Variants in IL1RAPL1 observed in about 807,000 individuals in gnomAD.
IL1RAPL1 encodes the protein interleukin-1 receptor accessory protein-like 1.
In IL1RAPL1, 3 loss-of-function variants were observed where a neutral mutation model predicts 48.4. The observed-to-expected ratio is 0.06, with a 90% CI of 0.03 to 0.16. IL1RAPL1 has a LOEUF of 0.16. Ranked by LOEUF, IL1RAPL1 falls within the 10% of genes least tolerant of loss-of-function variation. IL1RAPL1 has a pLI of 1.00. For missense variants in IL1RAPL1, 349 were observed against 530.6 expected, an observed-to-expected ratio of 0.66 and a Z score of 3.36; for synonymous variants, 185 against 187.7, an observed-to-expected ratio of 0.99 and a Z score of 0.12.
intron 6 of IL1RAPL1, among the ~76,000 whole-genome samples, chrX:29,739,033 A>G (rs1190243920): frequency 3.6e-5 from 4 of 112,103 alleles, no homozygotes; most frequent in African/African-American, 1.3e-4. Flanking sequence ...ATTCTTGCAC[A>G]TTATCCCATT....
At chrX:29,070,112 AT>A (rs1261107124) in intron 2 of IL1RAPL1, among the ~76,000 whole-genome samples, 2 of 112,116 alleles carry the variant, frequency 1.8e-5, no homozygotes, top group Non-Finnish European at 3.8e-5. Context: ...TATCAAGGAA[AT>A]TTTTAAAAAT....
intron 1 of IL1RAPL1, among the ~76,000 whole-genome samples, chrX:28,782,856 G>T (rs1475255202): frequency 8.9e-6 from 1 of 111,889 alleles, no homozygotes; most frequent in African/African-American, 3.2e-5. Context: ...AAAATTCAGT[G>T]TTCTAAATAT....
chrX:29,050,118 C>T (rs1927060806), intron 2 of IL1RAPL1, among the ~76,000 whole-genome samples: 1 of 111,641 alleles, frequency 9.0e-6, no homozygotes, highest in African/African-American at 3.3e-5. Flanking sequence ...CATTGTGTTC[C>T]CCAGGCTGGA....
chrX:29,279,410 T>A (rs1932166752), intron 2 of IL1RAPL1, among the ~76,000 whole-genome samples: 1 of 109,146 alleles, frequency 9.2e-6, no homozygotes. Context: ...CACTCCAGCC[T>A]GGGCGACAGA....
At chrX:28,834,812 G>A (rs1427997277) in intron 2 of IL1RAPL1, among the ~76,000 whole-genome samples, 4 of 111,118 alleles carry the variant, frequency 3.6e-5, no homozygotes, top group Non-Finnish European at 7.6e-5. Flanking sequence ...GGCCAACTGG[G>A]GATTTGAAAT....
At chrX:29,490,807 T>G (rs1401014747) in intron 5 of IL1RAPL1, among the ~76,000 whole-genome samples, 2 of 107,937 alleles carry the variant, frequency 1.9e-5, no homozygotes. Context: ...CCCTTGAAGT[T>G]CAAGTACACA....
intron 2 of IL1RAPL1, among the ~76,000 whole-genome samples, chrX:29,280,029 C>A (rs1932176488): frequency 8.9e-6 from 1 of 111,776 alleles, no homozygotes; most frequent in South Asian, 3.7e-4. Flanking sequence ...AGCAGCGATA[C>A]CCTCCATGAC....
intron 5 of IL1RAPL1, among the ~76,000 whole-genome samples, chrX:29,458,422 G>A (rs943248599): frequency 9.7e-6 from 1 of 103,113 alleles, no homozygotes; most frequent in Non-Finnish European, 2.0e-5. Flanking sequence ...ACTGCCAAAT[G>A]GATACAAGAA....
intron 5 of IL1RAPL1, among the ~76,000 whole-genome samples, chrX:29,522,721 A>C (rs920638475): frequency 3.6e-5 from 4 of 112,359 alleles, no homozygotes; most frequent in African/African-American, 1.3e-4. Flanking sequence ...AATCATACTT[A>C]AAGGGATTCA....
chrX:29,377,880 T>A (rs1028108704), intron 3 of IL1RAPL1, among the ~76,000 whole-genome samples: 1 of 111,171 alleles, frequency 9.0e-6, no homozygotes, highest in African/African-American at 3.3e-5. Context: ...GTTCCTTGTA[T>A]TTCCTGAATT....
chrX:28,981,254 C>T (rs918234561), intron 2 of IL1RAPL1, among the ~76,000 whole-genome samples: 4 of 108,700 alleles, frequency 3.7e-5, no homozygotes, highest in African/African-American at 6.7e-5. Context: ...TGCCATGTCC[C>T]TCAAAGGAGG....
chrX:29,954,407 G>T, intron 9 of IL1RAPL1, 115 bp from the exon 10 acceptor site: 2 of 585,956 alleles, frequency 3.4e-6, no homozygotes. Flanking sequence ...TCATTTTTCG[G>T]TCTTTCAGAA....
chrX:29,442,799 A>T (rs1934562740), intron 5 of IL1RAPL1, among the ~76,000 whole-genome samples: 2 of 109,582 alleles, frequency 1.8e-5, no homozygotes, highest in Non-Finnish European at 3.8e-5. Flanking sequence ...TCAAGGCTGC[A>T]GTGAGCCATG....
Position 29,360,878 on chromosome X carries a change from G to A in IL1RAPL1, c.363-35380G>A, listed in dbSNP as rs550529682. Among the ~76,000 whole-genome samples the A allele has an allele frequency of 5.4e-5, 6 of 111,700 alleles. No individual in the cohort carries two copies. In the South Asian group the frequency reaches 1.9e-3, roughly 34 times the overall value. The stretch of plus-strand genomic sequence containing the variant: ...TGATCTTTCATCTTTTCCTTGAAAA[G>A]TATTTCCTCATTGAAGAAATGCTCA... On this transcript the variant is annotated intron_variant, in intron 3 of 10. Transcript: ENST00000378993.
At position 28,934,280 on chromosome X, in the gene IL1RAPL1, C is replaced by T. The variant is rs148562009; in HGVS notation, c.82+144855C>T. ...AGTTACTTTCAGTACAGTTCATTAC[C>T]CCATATCTAAAAGCGATCTTGAAAT... On this transcript the variant is annotated intron_variant, in intron 2 of 10. Coordinates refer to ENST00000378993, the MANE Select transcript of IL1RAPL1 (RefSeq NM_014271.4). Among the ~76,000 whole-genome samples the T allele has an allele frequency of 7.7e-3, 854 of 111,278 alleles. 8 individuals are homozygous for T. The highest frequency in any genetic ancestry group is 0.026 in the African/African-American group (781 of 30,624).
intron 2 of IL1RAPL1, among the ~76,000 whole-genome samples, chrX:28,924,399 C>G (rs907945779): frequency 2.7e-5 from 3 of 112,017 alleles, no homozygotes; most frequent in African/African-American, 9.7e-5. Flanking sequence ...TTCAGTACCA[C>G]TTAAAAATAA....
intron 3 of IL1RAPL1, among the ~76,000 whole-genome samples, chrX:29,394,358 CTT>C (rs1459456362): frequency 8.9e-6 from 1 of 111,807 alleles, no homozygotes; most frequent in African/African-American, 3.2e-5. Context: ...AGTTTAAACT[CTT>C]TGAAGTGGCT....
At chrX:29,445,908 G>A (rs928735503) in intron 5 of IL1RAPL1, among the ~76,000 whole-genome samples, 1 of 111,830 alleles carries the variant, frequency 8.9e-6, no homozygotes, top group Non-Finnish European at 1.9e-5. Context: ...TAGAATTCCT[G>A]TAACAAAGTT....
At chrX:28,897,219 C>T (rs926907528) in intron 2 of IL1RAPL1, among the ~76,000 whole-genome samples, 4 of 107,188 alleles carry the variant, frequency 3.7e-5, no homozygotes, top group Admixed American at 9.9e-5. Context: ...GAGAAGGGGT[C>T]GGGGGGGTTC....
Sources: allele counts gnomAD v4.1 joint callset (sites outside exome capture counted in the v4.1 genomes callset), GRCh38; gene constraint gnomAD v4.1.1; transcripts MANE v1.5; gene names NCBI Gene and HGNC (gene_info 2026-07-23, HGNC 2026-07-21).